The following NCAM2 variants were observed in gnomAD, a reference collection of about 807,000 sequenced individuals.
NCAM2 encodes the protein N-CAM-2.
In NCAM2, 30 loss-of-function variants were observed where a neutral mutation model predicts 98.1. The ratio of observed to expected loss-of-function variants is 0.31; its 90% CI spans 0.23 to 0.41. The LOEUF (loss-of-function observed/expected upper bound fraction) is 0.41, where lower values mean the gene tolerates loss of function less well. Ranked by LOEUF, NCAM2 falls within the 10% of genes least tolerant of loss-of-function variation. The pLI, the probability that NCAM2 is intolerant of heterozygous loss-of-function variation, is 1.00. For synonymous variants in NCAM2, 368 were observed against 342.4 expected, an observed-to-expected ratio of 1.07 and a Z score of -0.83; for missense variants, 867 against 1,005.8, an observed-to-expected ratio of 0.86 and a Z score of 1.87.
chr21:21,258,086 G>T (rs2071745536), intron 1 of NCAM2, among the ~76,000 whole-genome samples: 1 of 152,158 alleles, frequency 6.6e-6, no homozygotes, highest in South Asian at 2.1e-4. Flanking sequence ...CATAAGTTCA[G>T]GACAGATTCA....
At chr21:21,265,766 AG>A (rs2072245683) in intron 1 of NCAM2, among the ~76,000 whole-genome samples, 1 of 151,864 alleles carries the variant, frequency 6.6e-6, no homozygotes, top group Non-Finnish European at 1.5e-5. Context: ...GAAAAAGGAG[AG>A]GGGGAAATGT....
intron 1 of NCAM2, chr21:21,210,394 AATTT>A (rs2069604700): frequency 1.2e-5 from 5 of 423,422 alleles, no homozygotes; most frequent in Non-Finnish European, 1.6e-5. Flanking sequence ...CTGAGGAATT[AATTT>A]ATTTAACAAT....
At chr21:21,031,317 A>C (rs772440779) in intron 1 of NCAM2, among the ~76,000 whole-genome samples, 6 of 152,228 alleles carry the variant, frequency 3.9e-5, no homozygotes, top group Non-Finnish European at 8.8e-5. Context: ...TAATCCCAAT[A>C]AATAAAATAC....
intron 15 of NCAM2, among the ~76,000 whole-genome samples, chr21:21,482,992 G>T (rs151049903): frequency 2.2e-4 from 34 of 151,970 alleles, no homozygotes; most frequent in Non-Finnish European, 4.4e-4. Context: ...CTGATAGCAT[G>T]GCATTTATTG....
At chr21:21,201,314 T>C (rs1285620449) in intron 1 of NCAM2, among the ~76,000 whole-genome samples, 1 of 152,194 alleles carries the variant, frequency 6.6e-6, no homozygotes, top group African/African-American at 2.4e-5. Context: ...ATCATGATTT[T>C]CAGTTATGCT....
chr21:21,516,916 T>C (rs1438286425), intron 16 of NCAM2, among the ~76,000 whole-genome samples: 1 of 152,192 alleles, frequency 6.6e-6, no homozygotes, highest in Non-Finnish European at 1.5e-5. Context: ...CAGTTCTCTT[T>C]CTTTATGTAT....
intron 5 of NCAM2, 83 bp downstream of exon 5, chr21:21,292,324 A>C: frequency 7.3e-7 from 1 of 1,365,046 alleles, no homozygotes. Flanking sequence ...TGAACTCAAA[A>C]TACAAGTCTT....
intron 1 of NCAM2, among the ~76,000 whole-genome samples, chr21:21,262,853 G>T (rs183957907): frequency 6.6e-6 from 1 of 152,046 alleles, no homozygotes; most frequent in African/African-American, 2.4e-5. Context: ...TCAAGTCTCA[G>T]ATGGCAGCAG....
chr21:21,329,239 G>A (rs899770353), intron 6 of NCAM2, among the ~76,000 whole-genome samples: 3 of 151,934 alleles, frequency 2.0e-5, no homozygotes, highest in Non-Finnish European at 2.9e-5. Flanking sequence ...GAGCCACCAC[G>A]CCTAGCAAAA....
chr21:21,148,871 T>A (rs2067365807), intron 1 of NCAM2, among the ~76,000 whole-genome samples: 1 of 152,166 alleles, frequency 6.6e-6, no homozygotes, highest in East Asian at 1.9e-4. Flanking sequence ...AAGTTGTATA[T>A]CTCATACCAT....
At chr21:21,488,583 T>C (rs986734847) in intron 15 of NCAM2, among the ~76,000 whole-genome samples, 2 of 151,990 alleles carry the variant, frequency 1.3e-5, no homozygotes, top group Non-Finnish European at 2.9e-5. Context: ...GATACTGATA[T>C]CAATACAATA....
At chr21:21,272,326 C>A (rs1310172334) in intron 1 of NCAM2, among the ~76,000 whole-genome samples, 1 of 152,136 alleles carries the variant, frequency 6.6e-6, no homozygotes, top group African/African-American at 2.4e-5. Flanking sequence ...TAGTGTTGGA[C>A]TGGTAACCAC....
intron 1 of NCAM2, among the ~76,000 whole-genome samples, chr21:21,042,023 ACC>A (rs1479678331): frequency 2.0e-5 from 3 of 152,154 alleles, no homozygotes; most frequent in Non-Finnish European, 4.4e-5. Flanking sequence ...GTGCAGTAGA[ACC>A]CTTCCTAACA....
intron 1 of NCAM2, among the ~76,000 whole-genome samples, chr21:21,036,626 T>C (rs1031354753): frequency 1.3e-5 from 2 of 151,866 alleles, no homozygotes; most frequent in Admixed American, 1.3e-4. Context: ...AAAGTGTAGA[T>C]TAGGAGGTGT....
In NCAM2 at chr21:21,022,759, A is replaced by T. The variant is rs191764178; in HGVS notation, c.55+24141A>T. Among the ~76,000 whole-genome samples, 1,371 of 152,260 alleles carry T rather than the reference A, an allele frequency of 9.0e-3. 12 individuals are homozygous for T. Among genetic ancestry groups the T allele is most frequent in the Admixed American group, 0.016 (237 of 15,286 alleles). Reference sequence around the variant, plus strand: ...TTTAATGTTTCACTTTGATGAAATGAATGTTAAAACTTTATAATCTGTTTG... The same window carrying T: ...TTTAATGTTTCACTTTGATGAAATGTATGTTAAAACTTTATAATCTGTTTG... On this transcript the variant is annotated intron_variant, in intron 1 of 17. Coordinates refer to ENST00000400546, the MANE Select transcript of NCAM2 (RefSeq NM_004540.5).
At chr21:21,205,807 T>C (rs1165837033) in intron 1 of NCAM2, among the ~76,000 whole-genome samples, 2 of 152,132 alleles carry the variant, frequency 1.3e-5, no homozygotes, top group Non-Finnish European at 2.9e-5. Flanking sequence ...GCAGATTTGG[T>C]ATCTGGCGAG....
At chr21:21,228,314 A>G (rs779782786) in intron 1 of NCAM2, among the ~76,000 whole-genome samples, 1 of 151,636 alleles carries the variant, frequency 6.6e-6, no homozygotes, top group Non-Finnish European at 1.5e-5. Context: ...TATTAAATTT[A>G]GGAAATTAAA....
intron 1 of NCAM2, among the ~76,000 whole-genome samples, chr21:21,218,032 C>CTA (rs2069977589): frequency 6.6e-6 from 1 of 152,190 alleles, no homozygotes; most frequent in Admixed American, 6.5e-5. Flanking sequence ...CCTGTGCAGA[C>CTA]GGCTAGCTGT....
At chr21:21,505,680 A>G (rs1025738687) in intron 15 of NCAM2, among the ~76,000 whole-genome samples, 11 of 152,060 alleles carry the variant, frequency 7.2e-5, no homozygotes, top group Non-Finnish European at 1.6e-4. Flanking sequence ...TGCTGAAAAG[A>G]TGTGCTTACA....
Sources: allele counts gnomAD v4.1 joint callset (sites outside exome capture counted in the v4.1 genomes callset), GRCh38; gene constraint gnomAD v4.1.1; transcripts MANE v1.5; gene names NCBI Gene and HGNC (gene_info 2026-07-23, HGNC 2026-07-21).